Variants in MEX3D observed in about 807,000 individuals in gnomAD.
MEX3D encodes RNA-binding protein MEX3D.
A neutral mutation model predicts 6.3 loss-of-function variants in MEX3D; 4 were observed. The observed-to-expected ratio is 0.64, with a 90% confidence interval of 0.31 to 1.46. MEX3D has a LOEUF of 1.46. Among genes scored for constraint, MEX3D ranks in the 40% most tolerant of loss-of-function variants. The pLI is 0.07. For synonymous variants in MEX3D, 626 were observed against 494.1 expected, an observed-to-expected ratio of 1.27 and a Z score of -3.54; for missense variants, 1,038 against 994.4, an observed-to-expected ratio of 1.04 and a Z score of -0.59.
At position 1,556,743 on chromosome 19, in the gene MEX3D, C is replaced by A. The variant is rs769357317; in HGVS notation, c.776G>T (p.Gly259Val). ...CGGGCCCTGGGCGGCGCCGGGCAGA[C>A]CCCCGGCCTTGCTGCGCGTGGCGCG... The part of the protein sequence containing the change: ...IIRATRSKAG[G>V]LPGAAQGPPN... Residue 259 changes from glycine (G) to valine (V), a missense_variant, in exon 2 of 2, where the codon GGT becomes GTT. Gly to Val is a moderately radical substitution (Grantham distance 109, BLOSUM62 -3). Coordinates refer to ENST00000402693, the MANE Select transcript of MEX3D (RefSeq NM_203304.4). This position sits in a 1 kb window ranked among gnomAD's most constrained non-coding sequence, Gnocchi z 7.5. 3 of 1,612,012 alleles carry A rather than the reference C, an allele frequency of 1.9e-6. No individual in the cohort carries two copies. The highest frequency in any genetic ancestry group is 2.5e-6 in the Non-Finnish European group (3 of 1,179,530).
chr19:1,562,660 T>G (rs895632666), intron 1 of MEX3D, among the ~76,000 whole-genome samples: 1 of 152,090 alleles, frequency 6.6e-6, no homozygotes, highest in Non-Finnish European at 1.5e-5. Flanking sequence ...ATCACACCAC[T>G]GCACTCAGGA....
chr19:1,568,021 C>G lies in MEX3D; in HGVS notation c.38G>C (p.Gly13Ala), dbSNP rs1914899520. The G allele has an allele frequency of 1.8e-5, 18 of 979,248 alleles. No homozygotes were observed. The highest frequency in any genetic ancestry group is 2.2e-5 in the Non-Finnish European group (18 of 827,922). 60.7% of individuals were successfully genotyped at this position (979,248 alleles called of 1,614,324 possible). A position where few individuals can be genotyped will look rare whatever the true frequency, so the allele number is the denominator to read the frequency against. ...CACGCCGCCGCCGCCGCCGCCCCCG[C>G]CCCCGCCGCCGTCGGGCTGGCCGAG... ...SSLGQPDGGG[G>A]GGGGGGGVGA... is the part of the protein sequence containing the mutation. The change falls in exon 1 of 2, where the codon GGC (glycine) becomes GCC (alanine). Residue 13 changes from glycine (G) to alanine (A), a missense_variant. By Grantham distance (60) the Gly-to-Ala change is moderately conservative. Coordinates refer to ENST00000402693, the MANE Select transcript of MEX3D (RefSeq NM_203304.4).
chr19:1,567,167 G>A lies in MEX3D; in HGVS notation c.595+297C>T, dbSNP rs1427683700. On this transcript the variant is annotated intron_variant, in intron 1 of 1. Transcript: ENST00000402693. This position sits in a 1 kb window ranked among gnomAD's most constrained non-coding sequence, Gnocchi z 6.5. ...CCCTCTCTGGGGTGCCCCTGCGGGC[G>A]GCCGAGGGCCTGGGCTGCGGCGCGG... Among the ~76,000 whole-genome samples the A allele has an allele frequency of 1.3e-5, 2 of 151,958 alleles. No homozygotes were observed. Among genetic ancestry groups the A allele is most frequent in the African/African-American group, 4.8e-5 (2 of 41,422 alleles).
rs1914880206 is a variant in MEX3D at position 1,567,672 on chromosome 19, G to C, written c.387C>G (p.Pro129=). The C allele has an allele frequency of 5.1e-6, 6 of 1,185,548 alleles. No individual in the cohort carries two copies. In the African/African-American group the frequency reaches 8.1e-5, roughly 16 times the overall value. 73.4% of individuals were successfully genotyped at this position (1,185,548 alleles called of 1,614,324 possible). ...VAPGSLPLLD[P]NASPPPPPPP... ...GCGGCGGCGGCGGGGGACTCGCGTTGGGGTCCAGCAGCGGCAGCGACCCGG... is the reference window on the plus strand; with the variant it reads ...GCGGCGGCGGCGGGGGACTCGCGTTCGGGTCCAGCAGCGGCAGCGACCCGG... The change falls in exon 1 of 2, where the codon CCC becomes CCG. Residue 129 remains proline, a synonymous_variant. Transcript: ENST00000402693. The surrounding 1 kb of genome is among the most constrained non-coding windows in gnomAD (Gnocchi z 6.5).
At position 1,562,302 on chromosome 19, in the gene MEX3D, G is replaced by A. The variant is rs550028649; in HGVS notation, c.595+5162C>T. 1.2e-4 allele frequency among the ~76,000 whole-genome samples: 17 copies of A among 147,822 alleles called. No homozygotes were observed. In the South Asian group the frequency reaches 2.1e-3, roughly 19 times the overall value. ...TAGCCAGGTGTGGACCGGGCACAGT[G>A]GATCACGAGGTCAGGAGTTCGAGAC... On this transcript the variant is annotated intron_variant, in intron 1 of 1. Coordinates refer to ENST00000402693, the MANE Select transcript of MEX3D (RefSeq NM_203304.4).
Position 1,568,043 on chromosome 19 carries a change from C to T in MEX3D, c.16G>A (p.Gly6Ser). The T allele has an allele frequency of 1.0e-6, 1 of 978,986 alleles. No individual in the cohort carries two copies. Among genetic ancestry groups the T allele is most frequent in the South Asian group, 4.6e-5 (1 of 21,978 alleles). 60.6% of individuals were successfully genotyped at this position (978,986 alleles called of 1,614,324 possible). A position where few individuals can be genotyped will look rare whatever the true frequency, so the allele number is the denominator to read the frequency against. Residue 6 changes from glycine (G) to serine (S), a missense_variant, in exon 1 of 2, where the codon GGC becomes AGC. Gly to Ser is a moderately conservative substitution (Grantham distance 56). This residue lies in a region of MEX3D where 265 missense variants were observed against 206.3 expected (regional missense o/e 1.28). Transcript: ENST00000402693. Reference sequence around the variant, plus strand: ...CCGCCCCCGCCGCCGTCGGGCTGGCCGAGCGAGCTGGGCATGGCGGGAGCT... The same window carrying T: ...CCGCCCCCGCCGCCGTCGGGCTGGCTGAGCGAGCTGGGCATGGCGGGAGCT... MPSSL[G>S]QPDGGGGGGG...
In MEX3D at chr19:1,556,577, C is replaced by T. The variant is rs140295044; in HGVS notation, c.942G>A (p.Lys314=). 1.9e-5 allele frequency: 30 copies of T among 1,609,020 alleles called. No individual in the cohort carries two copies. In the African/African-American group the frequency reaches 3.9e-4, roughly 21 times the overall value. The change falls in exon 2 of 2, where the codon AAG becomes AAA. Residue 314 remains lysine, a synonymous_variant. Coordinates refer to ENST00000402693, the MANE Select transcript of MEX3D (RefSeq NM_203304.4). This position sits in a 1 kb window ranked among gnomAD's most constrained non-coding sequence, Gnocchi z 7.5. ...HTYIVTPGRD[K]EPVFAVTGMP... ...TCCCAGTGACCGCGAACACCGGCTC[C>T]TTGTCGCGCCCGGGCGTCACGATGT...
chr19:1,560,901 C>T (rs1018884564), intron 1 of MEX3D, among the ~76,000 whole-genome samples: 3 of 152,196 alleles, frequency 2.0e-5, no homozygotes, highest in African/African-American at 7.2e-5. Flanking sequence ...GTGATCCCAG[C>T]CCACCCCTGC....
In MEX3D at chr19:1,567,516, C is replaced by T. The variant is rs1462116020; in HGVS notation, c.543G>A (p.Glu181=). 6.4e-7 allele frequency: 1 copy of T among 1,571,644 alleles called. No homozygotes were observed. Among genetic ancestry groups the T allele is most frequent in the Non-Finnish European group, 8.6e-7 (1 of 1,160,308 alleles). The change falls in exon 1 of 2, where the codon GAG becomes GAA. Residue 181 remains glutamate, a synonymous_variant. Coordinates refer to ENST00000402693, the MANE Select transcript of MEX3D (RefSeq NM_203304.4). The surrounding 1 kb of genome is among the most constrained non-coding windows in gnomAD (Gnocchi z 6.5). ...GSRKKSVNMT[E]CVPVPSSEHV... is the part of the protein sequence containing the mutation. ...GCTCGGAGCTGGGCACCGGGACGCA[C>T]TCGGTCATGTTGACGCTTTTCTTGC... is the stretch of plus-strand genomic sequence containing the variant.
chr19:1,556,907 G>A lies in MEX3D; in HGVS notation c.612C>T (p.Ala204=). Residue 204 remains alanine (A), a synonymous_variant, in exon 2 of 2, where the codon GCC becomes GCT. Transcript: ENST00000402693. The surrounding 1 kb of genome is among the most constrained non-coding windows in gnomAD (Gnocchi z 7.5). Reference sequence around the variant, plus strand: ...TGTAGGTGTTTGTCTTGGCCCGCAGGGCCTTGATCTTGCAGCCTGTCCGGG... The same window carrying A: ...TGTAGGTGTTTGTCTTGGCCCGCAGAGCCTTGATCTTGCAGCCTGTCCGGG... ...IVGRQGCKIK[A]LRAKTNTYIK... The A allele has an allele frequency of 6.2e-7, 1 of 1,606,426 alleles. No homozygotes were observed. Among genetic ancestry groups the A allele is most frequent in the Non-Finnish European group, 8.5e-7 (1 of 1,177,414 alleles).
Position 1,556,354 on chromosome 19 carries a change from CGGCCGT to C in MEX3D, c.1159_1164del (p.Thr387_Ala388del). On this transcript the variant is annotated inframe_deletion, in exon 2 of 2. Transcript: ENST00000402693. The surrounding 1 kb of genome is among the most constrained non-coding windows in gnomAD (Gnocchi z 7.5). ...CCCAGGGCCGTGTCCCCGCGGAGGC[CGGCCGT>C]GGCCGTGGGGGGCCGTCGTCCCTGG... 3 of 1,441,376 alleles carry C rather than the reference CGGCCGT, an allele frequency of 2.1e-6. No individual in the cohort carries two copies. The highest frequency in any genetic ancestry group is 1.4e-5 in the South Asian group (1 of 69,188). 89.3% of individuals were successfully genotyped at this position (1,441,376 alleles called of 1,614,324 possible).
rs746137723 is a variant in MEX3D, at chr19:1,555,617, G to C, written c.1902C>G (p.Pro634=). 2.5e-6 allele frequency: 4 copies of C among 1,591,880 alleles called. No individual in the cohort carries two copies. The Admixed American group carries it at 5.2e-5, about 21-fold the overall frequency. The change falls in exon 2 of 2, where the codon CCC becomes CCG. Residue 634 remains proline (P), a synonymous_variant. Coordinates refer to ENST00000402693, the MANE Select transcript of MEX3D (RefSeq NM_203304.4). ...CAVRICGKSE[P]ECPACRTPAT... ...CCGGCGTGCGGCAGGCGGGACACTC[G>C]GGCTCGCTCTTGCCGCAGATGCGGA...
chr19:1,557,594 C>T (rs143800038), intron 1 of MEX3D, among the ~76,000 whole-genome samples: 1,575 of 149,112 alleles, frequency 0.011, 26 homozygotes, highest in African/African-American at 0.037. Flanking sequence ...GGTGCAGTGG[C>T]TCACCCCTGT....
intron 1 of MEX3D, among the ~76,000 whole-genome samples, chr19:1,564,759 C>T (rs895087575): frequency 6.6e-6 from 1 of 152,064 alleles, no homozygotes; most frequent in Non-Finnish European, 1.5e-5. Context: ...CAGGTGCACC[C>T]TTCCTGGCCT....
intron 1 of MEX3D, among the ~76,000 whole-genome samples, chr19:1,560,405 G>A (rs1040059153): frequency 2.6e-5 from 4 of 152,352 alleles, no homozygotes; most frequent in Admixed American, 6.5e-5. Context: ...CCATCACGCC[G>A]ACCCGGCAGA....
At chr19:1,558,877 G>A (rs1427843778) in intron 1 of MEX3D, among the ~76,000 whole-genome samples, 2 of 152,166 alleles carry the variant, frequency 1.3e-5, no homozygotes, top group African/African-American at 4.8e-5. Context: ...GAGTGTCAGT[G>A]TGGGAGGCAG....
In MEX3D at chr19:1,555,880, G is replaced by C; in HGVS notation, c.1639C>G (p.Gln547Glu). The part of the protein sequence containing the change: ...PVGALSWRPP[Q>E]GPVSFPGGAA... ...CCGCCTGGGAAGGATACGGGGCCCT[G>C]CGGGGGTCGCCAGGACAGCGCGCCC... Residue 547 changes from glutamine to glutamate, a missense_variant, in exon 2 of 2, where the codon CAG becomes GAG. Gln to Glu is a conservative substitution (Grantham distance 29). Around this residue, in one of 5 missense-constraint regions of MEX3D, gnomAD observed 581 missense variants for 516.2 expected, o/e 1.13. Coordinates refer to ENST00000402693, the MANE Select transcript of MEX3D (RefSeq NM_203304.4). 7.7e-7 allele frequency: 1 copy of C among 1,300,400 alleles called. No homozygotes were observed. The highest frequency in any genetic ancestry group is 9.7e-7 in the Non-Finnish European group (1 of 1,027,046). The allele number at this position is 1,300,400 out of a possible 1,614,324, so 80.6% of individuals were successfully genotyped here.
chr19:1,565,641 G>C (rs1275935480), intron 1 of MEX3D, among the ~76,000 whole-genome samples: 1 of 152,164 alleles, frequency 6.6e-6, no homozygotes, highest in Non-Finnish European at 1.5e-5. Flanking sequence ...ATCTGCGCAG[G>C]GCCACGGCGG....
In MEX3D at chr19:1,567,720, CG is replaced by C. The variant is rs1914882810; in HGVS notation, c.338del (p.Pro113ArgfsTer55). On this transcript the variant is annotated frameshift_variant, in exon 1 of 2. Transcript: ENST00000402693. LOFTEE classifies it high-confidence loss of function. The surrounding 1 kb of genome is among the most constrained non-coding windows in gnomAD (Gnocchi z 6.5). ...PPDGPEAGAP[P>X]TLAPAVAPGS... ...CGGGGGCCACGGCGGGGGCCAGGGT[CG>C]GGGGCGCGCCGGCCTCAGGTCCGTC... 4.0e-6 allele frequency: 4 copies of C among 997,258 alleles called. No individual in the cohort carries two copies. The highest frequency in any genetic ancestry group is 3.6e-6 in the Non-Finnish European group (3 of 832,940). The allele number at this position is 997,258 out of a possible 1,614,324, so 61.8% of individuals were successfully genotyped here.
Sources: allele counts gnomAD v4.1 joint callset (sites outside exome capture counted in the v4.1 genomes callset), GRCh38; gene constraint gnomAD v4.1.1; regional missense constraint gnomAD v4.1.1; non-coding constraint Gnocchi (gnomAD v3.1); transcripts MANE v1.5; gene names NCBI Gene and HGNC (gene_info 2026-07-23, HGNC 2026-07-21).